TECTA: variants seen among roughly 807,000 people sequenced by gnomAD.
TECTA encodes the protein tectorin alpha.
TECTA carries 128 observed loss-of-function variants against 216.8 expected under a neutral mutation model. That is an observed-to-expected ratio of 0.59 (90% confidence interval 0.51 to 0.68). TECTA has a LOEUF of 0.68. Among genes scored for constraint, TECTA ranks in the 30% least tolerant of loss-of-function variants. The pLI is 0.00. For synonymous variants in TECTA, 1,089 were observed against 1,117.1 expected (o/e 0.97, Z 0.50); for missense variants, 2,551 against 2,786.2 (o/e 0.92, Z 1.90).
chr11:121,168,805 A>T lies in TECTA; in HGVS notation c.5879A>T (p.Tyr1960Phe). 6.2e-7 allele frequency: 1 copy of T among 1,614,172 alleles called. No individual in the cohort carries two copies. The highest frequency in any genetic ancestry group is 1.3e-5 in the African/African-American group (1 of 75,034). The change falls in exon 20 of 24, where the codon TAT becomes TTT. Residue 1960 changes from tyrosine (Y) to phenylalanine (F), a missense_variant. Physicochemically the swap from Tyr to Phe is conservative, Grantham distance 22 (BLOSUM62 3). Transcript: ENST00000392793. ...EVVLTTRDVL[Y>F]VGVFVVGADA... ...GTGTTGACGACTCGAGATGTGCTGT[A>T]TGTAGGGGTTTTTGTGGTTGGAGCT...
intron 13 of TECTA, among the ~76,000 whole-genome samples, chr11:121,153,425 T>C (rs964198584): frequency 1.3e-5 from 2 of 152,258 alleles, no homozygotes; most frequent in African/African-American, 4.8e-5. Flanking sequence ...AAGCTTCAGA[T>C]AGAGCTATAG....
chr11:121,104,685 G>T (rs2135048927), intron 2 of TECTA, among the ~76,000 whole-genome samples: 1 of 152,090 alleles, frequency 6.6e-6, no homozygotes, highest in South Asian at 2.1e-4. Context: ...TTGGCCGGTT[G>T]CTCCCCAGCC....
chr11:121,139,689 C>A (rs1272142586), intron 11 of TECTA, among the ~76,000 whole-genome samples: 18 of 141,922 alleles, frequency 1.3e-4, no homozygotes, highest in African/African-American at 3.0e-4. Context: ...GACTCTGTCT[C>A]AAAAAAAAAA....
intron 4 of TECTA, among the ~76,000 whole-genome samples, chr11:121,112,242 A>G (rs1230571518): frequency 6.6e-6 from 1 of 152,258 alleles, no homozygotes; most frequent in Non-Finnish European, 1.5e-5. Context: ...TTTAAGCAAC[A>G]TCTCTATCCT....
At position 121,128,126 on chromosome 11, in the gene TECTA, C is replaced by A; in HGVS notation, c.2149C>A (p.Gln717Lys). The change falls in exon 9 of 24, where the codon CAG becomes AAG. Residue 717 changes from glutamine (Q) to lysine (K), a missense_variant. Physicochemically the swap from Gln to Lys is moderately conservative, Grantham distance 53 (BLOSUM62 1). This residue lies in a region of TECTA where 2,375 missense variants were observed against 2,563.9 expected (regional missense o/e 0.93). Coordinates refer to ENST00000392793, the MANE Select transcript of TECTA (RefSeq NM_005422.4). ...PKRETVCLLS[Q>K]NQVLHTFDGA... ...GCGGGAGACCGTGTGCCTGCTCAGC[C>A]AGAACCAGGTGCTGCACACCTTTGA... 6.2e-7 allele frequency: 1 copy of A among 1,613,042 alleles called. No homozygotes were observed.
chr11:121,109,688 G>C (rs1946425107), intron 4 of TECTA, 190 bp downstream of exon 4: 1 of 654,358 alleles, frequency 1.5e-6, no homozygotes, highest in African/African-American at 1.8e-5. Flanking sequence ...CCAGTCAGCT[G>C]TAATATTTCA....
Position 121,113,030 on chromosome 11 carries a change from T to A in TECTA, c.487-42T>A. 6.2e-7 allele frequency: 1 copy of A among 1,613,392 alleles called. No homozygotes were observed. Among genetic ancestry groups the A allele is most frequent in the Non-Finnish European group, 8.5e-7 (1 of 1,179,822 alleles). On this transcript the variant is annotated intron_variant, in intron 4 of 23. Coordinates refer to ENST00000392793, the MANE Select transcript of TECTA (RefSeq NM_005422.4). This position sits in a 1 kb window ranked among gnomAD's most constrained non-coding sequence, Gnocchi z 4.2. The stretch of plus-strand genomic sequence containing the variant: ...GGACCTCCTTGGGGCCAGGACCTCC[T>A]GGGGAGTGCAAGTCATGAGACTGCG...
chr11:121,135,990 G>A (rs527831860), intron 10 of TECTA, among the ~76,000 whole-genome samples: 6 of 150,242 alleles, frequency 4.0e-5, no homozygotes, highest in South Asian at 4.2e-4. Flanking sequence ...ACGGAGTCTC[G>A]CTCTGTCACC....
chr11:121,119,289 C>T (rs1039265032), intron 7 of TECTA, among the ~76,000 whole-genome samples: 6 of 152,146 alleles, frequency 3.9e-5, no homozygotes, highest in African/African-American at 1.4e-4. Flanking sequence ...CCTGGATTGG[C>T]TTTGGTGACT....
chr11:121,169,070 A>C lies in TECTA; in HGVS notation c.5999+145A>C, dbSNP rs1947085457. ...GCATTTATTAATTCATCTAATTCTCAAGACAACCTATGAGGTAGATATTAT... is the reference window on the plus strand; with the variant it reads ...GCATTTATTAATTCATCTAATTCTCCAGACAACCTATGAGGTAGATATTAT... On this transcript the variant is annotated intron_variant, in intron 20 of 23. Coordinates refer to ENST00000392793, the MANE Select transcript of TECTA (RefSeq NM_005422.4). 5 of 1,286,812 alleles carry C rather than the reference A, an allele frequency of 3.9e-6. No homozygotes were observed. The South Asian group carries it at 3.9e-5, about 10-fold the overall frequency. The allele number at this position is 1,286,812 out of a possible 1,614,324, so 79.7% of individuals were successfully genotyped here. A position where few individuals can be genotyped will look rare whatever the true frequency, so the allele number is the denominator to read the frequency against.
chr11:121,181,472 A>ATTATTATTAT (rs1727137025), intron 20 of TECTA, among the ~76,000 whole-genome samples: 2 of 149,824 alleles, frequency 1.3e-5, no homozygotes, highest in South Asian at 4.2e-4. Flanking sequence ...TATTATTATT[A>ATTATTATTAT]TGATTTTATT....
At position 121,183,891 on chromosome 11, in the gene TECTA, G is replaced by A. The variant is rs571406487; in HGVS notation, c.6000-3941G>A. On this transcript the variant is annotated intron_variant, in intron 20 of 23. Transcript: ENST00000392793. ...CAGTCTCAACGTCCTGGGCTCAAGT[G>A]ATCCTCCCACCTCAGCCTCCTGAGT... is the stretch of plus-strand genomic sequence containing the variant. Among the ~76,000 whole-genome samples, 4 of 152,218 alleles carry A rather than the reference G, an allele frequency of 2.6e-5. No homozygotes were observed. In the South Asian group the frequency reaches 8.3e-4, roughly 32 times the overall value.
Position 121,168,693 on chromosome 11 carries a change from G to C in TECTA, c.5767G>C (p.Val1923Leu). The C allele has an allele frequency of 1.9e-6, 3 of 1,614,144 alleles. No homozygotes were observed. The highest frequency in any genetic ancestry group is 1.7e-6 in the Non-Finnish European group (2 of 1,180,012). ...KPMLSVINLT[V>L]PTQEGSFITK... ...CCGTTTTAGTGTAATTAACCTGACA[G>C]TTCCAACCCAAGAAGGCAGCTTCAT... Residue 1923 changes from valine (V) to leucine (L), a missense_variant, in exon 20 of 24, where the codon GTT (valine) becomes CTT (leucine). Physicochemically the swap from Val to Leu is conservative, Grantham distance 32. Around this residue, in one of 3 missense-constraint regions of TECTA, gnomAD observed 2,375 missense variants for 2,563.9 expected, o/e 0.93. Coordinates refer to ENST00000392793, the MANE Select transcript of TECTA (RefSeq NM_005422.4).
intron 20 of TECTA, among the ~76,000 whole-genome samples, chr11:121,178,397 A>G (rs536099918): frequency 2.8e-4 from 43 of 152,292 alleles, no homozygotes; most frequent in Non-Finnish European, 5.6e-4. Flanking sequence ...ACATTCTTGC[A>G]TCCCTGGAAT....
chr11:121,147,640 C>T (rs528579340), intron 12 of TECTA, among the ~76,000 whole-genome samples: 2 of 152,338 alleles, frequency 1.3e-5, no homozygotes, highest in East Asian at 3.9e-4. Context: ...AGCTTGTCTT[C>T]CTCTAAATCA....
intron 20 of TECTA, among the ~76,000 whole-genome samples, chr11:121,181,288 T>G (rs551994513): frequency 3.5e-4 from 53 of 152,320 alleles, no homozygotes; most frequent in African/African-American, 1.3e-3. Flanking sequence ...TATCTGTCTC[T>G]TTGTTGAATT....
At chr11:121,190,496 C>T (rs1947330744) in intron 23 of TECTA, among the ~76,000 whole-genome samples, 1 of 152,192 alleles carries the variant, frequency 6.6e-6, no homozygotes, top group Admixed American at 6.5e-5. Context: ...AACTCCTGAC[C>T]TCATGATCCG....
intron 10 of TECTA, among the ~76,000 whole-genome samples, chr11:121,134,131 T>G (rs1946701668): frequency 6.6e-6 from 1 of 152,190 alleles, no homozygotes; most frequent in South Asian, 2.1e-4. Flanking sequence ...TTTCTTCCTT[T>G]TGGCATAACA....
Position 121,184,471 on chromosome 11 carries a change from T to C in TECTA, c.6000-3361T>C, listed in dbSNP as rs184815465. Among the ~76,000 whole-genome samples the C allele has an allele frequency of 1.7e-3, 262 of 152,352 alleles. 1 individual carries two copies. In the Middle Eastern group the frequency reaches 0.044, roughly 26 times the overall value. ...GGGTAGGGTTATGCACCATTGCATT[T>C]GCCTGGCCTGGTCAGCACCCATCCC... On this transcript the variant is annotated intron_variant, in intron 20 of 23. Coordinates refer to ENST00000392793, the MANE Select transcript of TECTA (RefSeq NM_005422.4).
Sources: gnomAD v4.1 joint callset for allele counts (sites outside exome capture counted in the v4.1 genomes callset) on GRCh38, gnomAD v4.1.1 for gene constraint, gnomAD v4.1.1 regional missense constraint, Gnocchi (gnomAD v3.1) non-coding constraint, MANE v1.5 for transcripts, NCBI Gene and HGNC (gene_info 2026-07-23, HGNC 2026-07-21) for gene names.